The following CSMD1 variants were observed in gnomAD, a reference collection of about 807,000 sequenced individuals.
The protein encoded by CSMD1 is CUB and sushi domain-containing protein 1.
CSMD1 carries 213 observed loss-of-function variants against 417.5 expected under a neutral mutation model. That is an observed-to-expected ratio of 0.51 (90% CI 0.46 to 0.57). CSMD1 has a LOEUF of 0.57. CSMD1 is among the 20% of genes least tolerant of loss of function. The probability of loss-of-function intolerance (pLI) is 0.00; values close to 1 mark genes in which losing one functional copy is unlikely to be tolerated. For synonymous variants in CSMD1, 2,862 were observed against 1,736.8 expected, an observed-to-expected ratio of 1.65 and a Z score of -16.11; for missense variants, 6,923 against 4,529.7, an observed-to-expected ratio of 1.53 and a Z score of -15.17.
intron 1 of CSMD1, among the ~76,000 whole-genome samples, chr8:4,805,874 T>C (rs1798559046): frequency 6.6e-6 from 1 of 152,148 alleles, no homozygotes; most frequent in South Asian, 2.1e-4. Context: ...TGCTAAATTA[T>C]TGTGAACGTA....
chr8:3,213,630 T>C (rs1006708468), intron 30 of CSMD1, among the ~76,000 whole-genome samples: 5 of 151,976 alleles, frequency 3.3e-5, no homozygotes, highest in African/African-American at 4.8e-5. Flanking sequence ...ATATACATAT[T>C]AGTTTTTTCT....
chr8:4,652,579 G>A (rs1267058874), intron 1 of CSMD1, among the ~76,000 whole-genome samples: 1 of 151,948 alleles, frequency 6.6e-6, no homozygotes, highest in African/African-American at 2.4e-5. Context: ...TTGAACCCGG[G>A]AGGCAGAGGT....
chr8:3,523,453 T>C (rs1797598210), intron 10 of CSMD1, among the ~76,000 whole-genome samples: 2 of 151,960 alleles, frequency 1.3e-5, no homozygotes, highest in Admixed American at 1.3e-4. Context: ...CTAGAGAGAA[T>C]AAGGTGCCTA....
intron 12 of CSMD1, among the ~76,000 whole-genome samples, chr8:3,448,140 A>G (rs942268702): frequency 6.6e-6 from 1 of 151,078 alleles, no homozygotes; most frequent in African/African-American, 2.4e-5. Context: ...AATCCAAGTG[A>G]GGGATACAGG....
intron 3 of CSMD1, among the ~76,000 whole-genome samples, chr8:4,260,674 C>G (rs151136677): frequency 6.6e-6 from 1 of 152,032 alleles, no homozygotes; most frequent in Non-Finnish European, 1.5e-5. Flanking sequence ...TCAGTTTTTG[C>G]GAGAGGTTAA....
intron 1 of CSMD1, among the ~76,000 whole-genome samples, chr8:4,804,098 TA>T (rs1798454644): frequency 6.6e-6 from 1 of 152,342 alleles, no homozygotes; most frequent in East Asian, 1.9e-4. Flanking sequence ...GTTCAACCAT[TA>T]AAATTATTTC....
intron 6 of CSMD1, among the ~76,000 whole-genome samples, chr8:3,742,963 G>A (rs1261566757): frequency 6.6e-6 from 1 of 152,150 alleles, no homozygotes; most frequent in African/African-American, 2.4e-5. Flanking sequence ...ATACCACGAG[G>A]CACAGACTAC....
At chr8:3,770,896 A>C (rs1354476611) in intron 5 of CSMD1, among the ~76,000 whole-genome samples, 1 of 152,238 alleles carries the variant, frequency 6.6e-6, no homozygotes, top group African/African-American at 2.4e-5. Flanking sequence ...AGCATTTTGC[A>C]GGATTAAATT....
intron 26 of CSMD1, among the ~76,000 whole-genome samples, chr8:3,268,320 G>A (rs1290546742): frequency 3.3e-5 from 3 of 91,200 alleles, no homozygotes; most frequent in Admixed American, 2.7e-4. Context: ...TTTTTGAGAC[G>A]GAGTTTTGCT....
At chr8:4,341,358 T>C (rs1800468443) in intron 3 of CSMD1, among the ~76,000 whole-genome samples, 1 of 152,146 alleles carries the variant, frequency 6.6e-6, no homozygotes, top group African/African-American at 2.4e-5. Flanking sequence ...CTGAGATTCA[T>C]ATTCACTATC....
chr8:4,770,760 T>C (rs1001318440), intron 1 of CSMD1, among the ~76,000 whole-genome samples: 9 of 152,116 alleles, frequency 5.9e-5, no homozygotes, highest in Non-Finnish European at 1.3e-4. Flanking sequence ...GATTTTCTCA[T>C]GCAAAAGAAT....
Position 4,361,062 on chromosome 8 carries a change from G to A in CSMD1, c.415+58891C>T, listed in dbSNP as rs374497017. Among the ~76,000 whole-genome samples the A allele has an allele frequency of 2.2e-4, 33 of 152,084 alleles. 1 individual carries two copies. Among genetic ancestry groups the A allele is most frequent in the Admixed American group, 1.6e-3 (24 of 15,272 alleles). On this transcript the variant is annotated intron_variant, in intron 3 of 69. Coordinates refer to ENST00000635120, the MANE Select transcript of CSMD1 (RefSeq NM_033225.6). ...ATTGAAAAGAAAAACTGGATTTTTC[G>A]TGCCCAACAGATGTTTTGTCAGTTC...
chr8:4,167,900 G>T (rs981642510), intron 3 of CSMD1, among the ~76,000 whole-genome samples: 2 of 152,054 alleles, frequency 1.3e-5, no homozygotes, highest in Non-Finnish European at 2.9e-5. Flanking sequence ...GGCTGAGGCA[G>T]GCGGACTGCC....
intron 5 of CSMD1, among the ~76,000 whole-genome samples, chr8:3,858,745 T>C (rs1229253954): frequency 6.6e-6 from 1 of 152,172 alleles, no homozygotes; most frequent in African/African-American, 2.4e-5. Flanking sequence ...AAAATAACTT[T>C]GGATGTTACA....
chr8:3,032,464 G>A (rs771119398), intron 50 of CSMD1, among the ~76,000 whole-genome samples: 2 of 152,012 alleles, frequency 1.3e-5, no homozygotes, highest in African/African-American at 4.8e-5. Flanking sequence ...ATTTGCTGTG[G>A]TCAATAAGGC....
chr8:3,601,913 G>C (rs576548207), intron 8 of CSMD1, among the ~76,000 whole-genome samples: 62 of 151,970 alleles, frequency 4.1e-4, no homozygotes, highest in Admixed American at 1.7e-3. Flanking sequence ...AGAGAGAGAG[G>C]GTTATAGCAC....
At chr8:4,850,810 A>T (rs1402427170) in intron 1 of CSMD1, among the ~76,000 whole-genome samples, 1 of 152,112 alleles carries the variant, frequency 6.6e-6, no homozygotes, top group African/African-American at 2.4e-5. Context: ...AACTGCCCTC[A>T]AAAATTCAAC....
At chr8:3,454,644 ACTCT>A (rs1466950418) in intron 12 of CSMD1, among the ~76,000 whole-genome samples, 16 of 151,962 alleles carry the variant, frequency 1.1e-4, no homozygotes, top group African/African-American at 3.9e-4. Flanking sequence ...ATTGGCCCCC[ACTCT>A]CTTCTGGCTT....
rs1800086745 is a variant in CSMD1, at chr8:3,574,942, T to C, written c.1344+3A>G. The C allele has an allele frequency of 6.2e-7, 1 of 1,612,042 alleles. No homozygotes were observed. The highest frequency in any genetic ancestry group is 1.3e-5 in the African/African-American group (1 of 74,994). ...ACCACAGGGGTTGGAGGCGGAGCCT[T>C]ACCTTGTCCGGGTCGGTGGTGGTGA... On this transcript the variant is annotated splice_donor_region_variant and intron_variant, in intron 10 of 69. Transcript: ENST00000635120.
Sources: allele counts gnomAD v4.1 joint callset (sites outside exome capture counted in the v4.1 genomes callset), GRCh38; gene constraint gnomAD v4.1.1; transcripts MANE v1.5; gene names NCBI Gene and HGNC (gene_info 2026-07-23, HGNC 2026-07-21).